Variants in CMTM7 observed in about 807,000 individuals in gnomAD.
The protein encoded by CMTM7 is CKLF like MARVEL transmembrane domain containing 7.
CMTM7 carries 7 observed loss-of-function variants against 19.3 expected under a neutral mutation model. The observed-to-expected ratio is 0.36, with a 90% CI of 0.21 to 0.68. CMTM7 has a LOEUF of 0.68. CMTM7 is among the 30% of genes least tolerant of loss of function. CMTM7 has a pLI of 0.60. For synonymous variants in CMTM7, 87 were observed against 99.3 expected (o/e 0.88, Z 0.74); for missense variants, 193 against 232.6 (o/e 0.83, Z 1.11).
chr3:32,418,040 T>C (rs938047493), intron 1 of CMTM7, among the ~76,000 whole-genome samples: 3 of 152,222 alleles, frequency 2.0e-5, no homozygotes, highest in Non-Finnish European at 4.4e-5. Flanking sequence ...AAGGCTGGTC[T>C]CGAACTCCTG....
At chr3:32,451,754 A>G (rs1696836109) in intron 3 of CMTM7, 1 of 230,854 alleles carries the variant, frequency 4.3e-6, no homozygotes, top group South Asian at 4.8e-5. Flanking sequence ...GTCTCCCAGC[A>G]CCCGAATCTC....
chr3:32,422,634 G>A (rs1696362281), intron 1 of CMTM7, among the ~76,000 whole-genome samples: 2 of 152,270 alleles, frequency 1.3e-5, no homozygotes, highest in South Asian at 4.1e-4. Context: ...TGGGAAACCA[G>A]GAAAATTCTG....
intron 1 of CMTM7, among the ~76,000 whole-genome samples, chr3:32,408,722 A>G (rs1301082661): frequency 6.6e-6 from 1 of 152,210 alleles, no homozygotes; most frequent in Non-Finnish European, 1.5e-5. Flanking sequence ...ATCTTACTGC[A>G]TCCTAGTAGA....
At chr3:32,438,659 G>C (rs996779983) in intron 1 of CMTM7, among the ~76,000 whole-genome samples, 3 of 152,170 alleles carry the variant, frequency 2.0e-5, no homozygotes, top group Non-Finnish European at 1.5e-5. Context: ...ATGGTAGATG[G>C]CCATAGGCCC....
chr3:32,409,320 A>G (rs752266715), intron 1 of CMTM7, among the ~76,000 whole-genome samples: 2 of 152,114 alleles, frequency 1.3e-5, no homozygotes, highest in Non-Finnish European at 2.9e-5. Context: ...ATTTGTATGC[A>G]TGCTATTATT....
intron 1 of CMTM7, among the ~76,000 whole-genome samples, chr3:32,429,807 G>T (rs1463866877): frequency 3.3e-5 from 5 of 152,038 alleles, no homozygotes; most frequent in South Asian, 2.1e-4. Context: ...CACTGTGTTA[G>T]TCAGGAAGGT....
chr3:32,402,242 G>A (rs994380388), intron 1 of CMTM7, among the ~76,000 whole-genome samples: 10 of 152,034 alleles, frequency 6.6e-5, no homozygotes, highest in African/African-American at 2.2e-4. Context: ...CTCCCAGGTG[G>A]CTGGGGCTAC....
intron 1 of CMTM7, among the ~76,000 whole-genome samples, chr3:32,432,834 GGGTTC>G (rs1474492249): frequency 6.6e-6 from 1 of 152,030 alleles, no homozygotes; most frequent in African/African-American, 2.4e-5. Flanking sequence ...CTTCTCTTTG[GGGTTC>G]AACCCTCAAT....
intron 1 of CMTM7, among the ~76,000 whole-genome samples, chr3:32,435,127 G>A (rs1248566818): frequency 1.3e-5 from 2 of 152,214 alleles, no homozygotes; most frequent in African/African-American, 4.8e-5. Context: ...ACAGAGACCA[G>A]GCACGGTGGC....
chr3:32,423,364 T>A (rs1490274428), intron 1 of CMTM7, among the ~76,000 whole-genome samples: 3 of 152,352 alleles, frequency 2.0e-5, no homozygotes, highest in Admixed American at 6.5e-5. Context: ...TATGTAGATA[T>A]ATTTGCTGGT....
rs1187137965 is a variant in CMTM7, at chr3:32,441,996, A to G, written c.316A>G (p.Ile106Val). The change falls in exon 2 of 5, where the codon ATC becomes GTC. Residue 106 changes from isoleucine (I) to valine (V), a missense_variant. By Grantham distance (29) the Ile-to-Val change is conservative. Transcript: ENST00000334983. The part of the protein sequence containing the change: ...LFRFYRVLTC[I>V]SWPLSELLHY... ...CCGCTTCTACCGCGTGCTCACCTGT[A>G]TCAGCTGGCCCCTGTCGGTAAGAGA... The G allele has an allele frequency of 4.3e-6, 7 of 1,614,164 alleles. No individual in the cohort carries two copies. The highest frequency in any genetic ancestry group is 5.9e-6 in the Non-Finnish European group (7 of 1,180,016).
At chr3:32,440,591 C>G (rs2125639325) in intron 1 of CMTM7, among the ~76,000 whole-genome samples, 1 of 152,196 alleles carries the variant, frequency 6.6e-6, no homozygotes, top group South Asian at 2.1e-4. Context: ...CAGCCTGGGC[C>G]ACATGGCAAA....
rs1016085266 is a variant in CMTM7 at position 32,441,096 on chromosome 3, G to A, written c.160-744G>A. On this transcript the variant is annotated intron_variant, in intron 1 of 4. Coordinates refer to ENST00000334983, the MANE Select transcript of CMTM7 (RefSeq NM_138410.4). Reference sequence around the variant, plus strand: ...AGGATTCCTGCATGGTTGAGAACCCGTCCACCTTTCTCGGCTTGTTATGAT... The same window carrying A: ...AGGATTCCTGCATGGTTGAGAACCCATCCACCTTTCTCGGCTTGTTATGAT... Among the ~76,000 whole-genome samples the A allele has an allele frequency of 7.9e-5, 12 of 152,318 alleles. No homozygotes were observed. In the South Asian group the frequency reaches 1.2e-3, roughly 16 times the overall value.
intron 1 of CMTM7, among the ~76,000 whole-genome samples, chr3:32,417,495 A>T (rs2125628625): frequency 6.6e-6 from 1 of 152,356 alleles, no homozygotes; most frequent in South Asian, 2.1e-4. Context: ...TTTGGCGATT[A>T]TGAATGAAGT....
At chr3:32,430,712 T>TGTGTGTGTGTGTGTGTGTGTGTGA (rs1202757253) in intron 1 of CMTM7, among the ~76,000 whole-genome samples, 3 of 151,270 alleles carry the variant, frequency 2.0e-5, no homozygotes, top group Admixed American at 1.3e-4. Flanking sequence ...TGTGTGTGTG[T>TGTGTGTGTGTGTGTGTGTGTGTGA]GTGACACAGC....
intron 3 of CMTM7, chr3:32,451,951 C>T (rs1261885815): frequency 9.3e-6 from 6 of 648,490 alleles, no homozygotes; most frequent in Admixed American, 2.5e-5. Flanking sequence ...CAGAATGGAA[C>T]AGAAAGTCAT....
Position 32,405,952 on chromosome 3 carries a change from C to T in CMTM7, c.159+13887C>T, listed in dbSNP as rs1696085721. Among the ~76,000 whole-genome samples the T allele has an allele frequency of 2.6e-5, 4 of 152,172 alleles. No homozygotes were observed. The South Asian group carries it at 8.3e-4, about 31-fold the overall frequency. On this transcript the variant is annotated intron_variant, in intron 1 of 4. Transcript: ENST00000334983. ...AGATAACGTTTACACGATCAAGATT[C>T]AGAATGTACCAAAAGTCCCCCAGTT... is the stretch of plus-strand genomic sequence containing the variant.
chr3:32,413,074 A>C (rs964047294), intron 1 of CMTM7, among the ~76,000 whole-genome samples: 1 of 152,246 alleles, frequency 6.6e-6, no homozygotes, highest in African/African-American at 2.4e-5. Flanking sequence ...TTTTGTAAAT[A>C]AAGTTGTATT....
chr3:32,406,589 C>T (rs1270522460), intron 1 of CMTM7, among the ~76,000 whole-genome samples: 4 of 152,160 alleles, frequency 2.6e-5, no homozygotes, highest in African/African-American at 4.8e-5. Flanking sequence ...TAGGAACCAG[C>T]GGAGTCTAAG....
Sources: gnomAD v4.1 joint callset for allele counts (sites outside exome capture counted in the v4.1 genomes callset) on GRCh38, gnomAD v4.1.1 for gene constraint, MANE v1.5 for transcripts, NCBI Gene and HGNC (gene_info 2026-07-23, HGNC 2026-07-21) for gene names.